The following RYR2 variants were observed in gnomAD, a reference collection of about 807,000 sequenced individuals.
RYR2 encodes the protein ryanodine receptor 2, also known as cardiac muscle ryanodine receptor-calcium release channel.
A neutral mutation model predicts 601.1 loss-of-function variants in RYR2; 227 were observed. The ratio of observed to expected loss-of-function variants is 0.38; its 90% CI spans 0.34 to 0.42. RYR2 has a LOEUF of 0.42. Among genes scored for constraint, RYR2 ranks in the 10% least tolerant of loss-of-function variants. RYR2 has a pLI of 1.00. For missense variants in RYR2, 4,646 were observed against 6,156.5 expected (o/e 0.75, Z 8.21); for synonymous variants, 2,223 against 2,175.1 (o/e 1.02, Z -0.61).
Position 237,831,551 on chromosome 1 carries a change from G to A in RYR2, c.14794G>A (p.Glu4932Lys). Reference protein sequence around the residue: ...LMYLINKDETEHTGQESYVWK... With the variant: ...LMYLINKDETKHTGQESYVWK... The stretch of plus-strand genomic sequence containing the variant: ...GTATCTTATAAACAAAGATGAAACA[G>A]AACACACAGGACAGGTAGGTAAATT... Residue 4932 changes from glutamate to lysine, a missense_variant, in exon 104 of 105, where the codon GAA (glutamate) becomes AAA (lysine). By Grantham distance (56) the Glu-to-Lys change is moderately conservative (BLOSUM62 1). This residue lies in a region of RYR2 where 55 missense variants were observed against 204.7 expected (regional missense o/e 0.27). Transcript: ENST00000366574. 6.4e-7 allele frequency: 1 copy of A among 1,566,718 alleles called. No individual in the cohort carries two copies. The highest frequency in any genetic ancestry group is 1.1e-5 in the South Asian group (1 of 88,890).
In RYR2 at chr1:237,726,295, G is replaced by A; in HGVS notation, c.10712G>A (p.Arg3571Lys). 6.3e-7 allele frequency: 1 copy of A among 1,590,188 alleles called. No individual in the cohort carries two copies. The highest frequency in any genetic ancestry group is 8.6e-7 in the Non-Finnish European group (1 of 1,164,146). ...LEQKSKRVGR[R>K]HYCLVEHPQR... ...CAGAAGTCTAAACGTGTGGGTCGGA[G>A]ACATTACTGTCTGGGAAGTACAGTG... The change falls in exon 75 of 105, where the codon AGA becomes AAA. Residue 3571 changes from arginine (R) to lysine (K), a missense_variant. Arg to Lys is a conservative substitution (Grantham distance 26, BLOSUM62 2). Around this residue, in one of 17 missense-constraint regions of RYR2, gnomAD observed 1,497 missense variants for 1,842.6 expected, o/e 0.81. Coordinates refer to ENST00000366574, the MANE Select transcript of RYR2 (RefSeq NM_001035.3).
At chr1:237,437,406 G>A (rs1707511802) in intron 12 of RYR2, among the ~76,000 whole-genome samples, 2 of 152,104 alleles carry the variant, frequency 1.3e-5, no homozygotes, top group African/African-American at 2.4e-5. Flanking sequence ...AAGCACTTAC[G>A]AATGGGATTA....
At chr1:237,506,198 G>T (rs1665217167) in intron 22 of RYR2, among the ~76,000 whole-genome samples, 1 of 149,080 alleles carries the variant, frequency 6.7e-6, no homozygotes, top group Admixed American at 6.7e-5. Flanking sequence ...AAATTGATTT[G>T]GAAACCTAAG....
chr1:237,208,098 G>A (rs973188729), intron 1 of RYR2, among the ~76,000 whole-genome samples: 1 of 152,168 alleles, frequency 6.6e-6, no homozygotes, highest in Non-Finnish European at 1.5e-5. Flanking sequence ...ACAAGGGCAC[G>A]TTTGCTCTGT....
At position 237,718,544 on chromosome 1, in the gene RYR2, G is replaced by A. The variant is rs750926465; in HGVS notation, c.10554+23G>A. On this transcript the variant is annotated intron_variant, in intron 73 of 104. Transcript: ENST00000366574. ...AAGGTAAGCCAAATTTTATTCTTAA[G>A]CCACATTTACTACCTATACATTAGT... 2.1e-6 allele frequency: 3 copies of A among 1,433,976 alleles called. No individual in the cohort carries two copies. The Admixed American group carries it at 5.0e-5, about 24-fold the overall frequency. 88.8% of individuals were successfully genotyped at this position (1,433,976 alleles called of 1,614,324 possible).
At chr1:237,526,680 T>A (rs920834861) in intron 24 of RYR2, among the ~76,000 whole-genome samples, 7 of 152,328 alleles carry the variant, frequency 4.6e-5, no homozygotes, top group Admixed American at 3.3e-4. Context: ...TGTTTGTTTT[T>A]TTCCTGTTGA....
intron 63 of RYR2, among the ~76,000 whole-genome samples, chr1:237,690,383 C>A (rs933006237): frequency 6.6e-6 from 1 of 152,042 alleles, no homozygotes; most frequent in Non-Finnish European, 1.5e-5. Context: ...ACCTAATAAA[C>A]CTAGAGATCA....
rs1553275502 is a variant in RYR2 at position 237,061,276 on chromosome 1, C to CATCTATCATCTATCTATCT, written c.48+18714_48+18715insATCTATCTATCTATCTATC. On this transcript the variant is annotated intron_variant, in intron 1 of 104. Coordinates refer to ENST00000366574, the MANE Select transcript of RYR2 (RefSeq NM_001035.3). ...ATCATCTATCTATCTATCCATCTAT[C>CATCTATCATCTATCTATCT]ATCTATCTATCTATCTATCTATCTA... Among the ~76,000 whole-genome samples the CATCTATCATCTATCTATCT allele has an allele frequency of 9.7e-3, 962 of 98,802 alleles. 9 individuals are homozygous for CATCTATCATCTATCTATCT. The highest frequency in any genetic ancestry group is 0.013 in the Non-Finnish European group (592 of 44,656). 64.8% of individuals were successfully genotyped at this position (98,802 alleles called of 152,430 possible). A position where few individuals can be genotyped will look rare whatever the true frequency, so the allele number is the denominator to read the frequency against.
At chr1:237,798,749 T>A (rs1659582302) in intron 97 of RYR2, among the ~76,000 whole-genome samples, 1 of 150,782 alleles carries the variant, frequency 6.6e-6, no homozygotes, top group African/African-American at 2.4e-5. Context: ...CTAAACCAGT[T>A]GAGTTGAATG....
intron 1 of RYR2, among the ~76,000 whole-genome samples, chr1:237,174,979 C>T (rs1232809891): frequency 3.9e-5 from 6 of 152,156 alleles, no homozygotes; most frequent in African/African-American, 1.2e-4. Flanking sequence ...AATATTTTTC[C>T]TCCAGATTTT....
chr1:237,414,592 T>G (rs1704773524), intron 10 of RYR2, among the ~76,000 whole-genome samples: 1 of 152,212 alleles, frequency 6.6e-6, no homozygotes. Context: ...CAATATGATA[T>G]TTCAATACAT....
Position 237,516,430 on chromosome 1 carries a change from G to T in RYR2, c.2822+4639G>T, listed in dbSNP as rs558085254. Among the ~76,000 whole-genome samples, 23 of 152,126 alleles carry T rather than the reference G, an allele frequency of 1.5e-4. No homozygotes were observed. In the South Asian group the frequency reaches 4.8e-3, roughly 32 times the overall value. ...CACTGTGCCTGGCCAATCTTCCCAA[G>T]TTCTAAATGTTGTGAATCTTTATGT... On this transcript the variant is annotated intron_variant, in intron 24 of 104. Coordinates refer to ENST00000366574, the MANE Select transcript of RYR2 (RefSeq NM_001035.3).
At chr1:237,776,360 T>A (rs1471737685) in intron 87 of RYR2, among the ~76,000 whole-genome samples, 1 of 152,204 alleles carries the variant, frequency 6.6e-6, no homozygotes, top group Non-Finnish European at 1.5e-5. Flanking sequence ...TAAAATAACC[T>A]GATTCCTTCT....
intron 71 of RYR2, among the ~76,000 whole-genome samples, chr1:237,712,982 A>C (rs972295682): frequency 1.3e-5 from 2 of 152,068 alleles, no homozygotes; most frequent in Non-Finnish European, 2.9e-5. Flanking sequence ...AGGTACACCC[A>C]CTCCACTGAC....
chr1:237,049,276 A>G (rs1490944989), intron 1 of RYR2, among the ~76,000 whole-genome samples: 2 of 152,172 alleles, frequency 1.3e-5, no homozygotes, highest in African/African-American at 2.4e-5. Context: ...ATTTCAAATG[A>G]GCAGCTGTCA....
At chr1:237,599,695 C>T (rs565373172) in intron 34 of RYR2, among the ~76,000 whole-genome samples, 1 of 151,328 alleles carries the variant, frequency 6.6e-6, no homozygotes, top group East Asian at 2.0e-4. Flanking sequence ...TGGTGGCAGG[C>T]ACCTGTAATC....
chr1:237,682,442 A>G (rs1685970969), intron 62 of RYR2, among the ~76,000 whole-genome samples: 1 of 152,156 alleles, frequency 6.6e-6, no homozygotes, highest in Non-Finnish European at 1.5e-5. Flanking sequence ...TTAATTTTGG[A>G]CCACATGTAT....
At chr1:237,732,399 T>C (rs1427587183) in intron 78 of RYR2, among the ~76,000 whole-genome samples, 1 of 152,186 alleles carries the variant, frequency 6.6e-6, no homozygotes, top group Non-Finnish European at 1.5e-5. Flanking sequence ...TTGATTCTGA[T>C]TCTTCTTATG....
At chr1:237,128,994 A>G (rs1671845937) in intron 1 of RYR2, among the ~76,000 whole-genome samples, 1 of 152,198 alleles carries the variant, frequency 6.6e-6, no homozygotes, top group African/African-American at 2.4e-5. Flanking sequence ...AAGGAAGAGT[A>G]GCTTTGAGTG....
Sources: allele counts gnomAD v4.1 joint callset (sites outside exome capture counted in the v4.1 genomes callset), GRCh38; gene constraint gnomAD v4.1.1; regional missense constraint gnomAD v4.1.1; transcripts MANE v1.5; gene names NCBI Gene and HGNC (gene_info 2026-07-23, HGNC 2026-07-21).